The following GPR89A variants were observed in gnomAD, a reference collection of about 807,000 sequenced individuals.
GPR89A encodes G protein-coupled receptor 89A.
In GPR89A, 16 loss-of-function variants were observed where a neutral mutation model predicts 52.0. The ratio of observed to expected loss-of-function variants is 0.31; its 90% CI spans 0.21 to 0.47. The LOEUF is 0.47. Among genes scored for constraint, GPR89A ranks in the 20% least tolerant of loss-of-function variants. GPR89A has a pLI of 1.00. For synonymous variants in GPR89A, 55 were observed against 150.9 expected (o/e 0.36, Z 4.66); for missense variants, 135 against 449.4 (o/e 0.30, Z 6.33).
chr1:145,619,798 G>A (rs1180743797), intron 3 of GPR89A, among the ~76,000 whole-genome samples: 6 of 152,144 alleles, frequency 3.9e-5, no homozygotes, highest in African/African-American at 1.4e-4. Flanking sequence ...GGCGGATCAC[G>A]AGGTCAGGAG....
chr1:145,647,869 C>A (rs1553692907), intron 10 of GPR89A, among the ~76,000 whole-genome samples: 5 of 88,434 alleles, frequency 5.7e-5, no homozygotes, highest in African/African-American at 1.4e-4. Flanking sequence ...CTCTCTCTCT[C>A]TCTCTCTCTC....
chr1:145,659,332 A>G (rs1367509240), intron 10 of GPR89A, among the ~76,000 whole-genome samples: 2 of 151,666 alleles, frequency 1.3e-5, no homozygotes, highest in Admixed American at 6.6e-5. Context: ...TTACAGGCGC[A>G]TGCAACCACT....
chr1:145,608,469 G>C (rs1238176215), intron 1 of GPR89A: 2 of 629,770 alleles, frequency 3.2e-6, no homozygotes, highest in Non-Finnish European at 5.4e-6. Context: ...GGCGCCGCCA[G>C]CTAAGGCGGC....
At chr1:145,635,086 T>G (rs1329197248) in intron 7 of GPR89A, among the ~76,000 whole-genome samples, 1 of 152,188 alleles carries the variant, frequency 6.6e-6, no homozygotes, top group African/African-American at 2.4e-5. Context: ...ATAGTCAAGT[T>G]AAAGAAGCCT....
intron 10 of GPR89A, among the ~76,000 whole-genome samples, chr1:145,650,928 TC>T: frequency 6.6e-6 from 1 of 152,218 alleles, no homozygotes; most frequent in East Asian, 1.9e-4. Context: ...AAAAATTTTC[TC>T]CCATTCTGTT....
intron 10 of GPR89A, among the ~76,000 whole-genome samples, chr1:145,658,341 A>T (rs1244395137): frequency 6.8e-6 from 1 of 146,798 alleles, no homozygotes; most frequent in Non-Finnish European, 1.5e-5. Context: ...ACAGTGGCAG[A>T]TGCCTGTAAT....
intron 10 of GPR89A, among the ~76,000 whole-genome samples, chr1:145,650,216 ATAAG>A (rs1166710772): frequency 1.3e-5 from 2 of 150,154 alleles, no homozygotes; most frequent in African/African-American, 4.9e-5. Context: ...GTTCCCACTT[ATAAG>A]TGAGAACATG....
At chr1:145,660,331 C>T (rs1553695363) in intron 10 of GPR89A, among the ~76,000 whole-genome samples, 1 of 152,122 alleles carries the variant, frequency 6.6e-6, no homozygotes. Flanking sequence ...AAACGTTAGA[C>T]CTAAAACCAT....
intron 12 of GPR89A, among the ~76,000 whole-genome samples, chr1:145,669,099 C>T (rs1390244502): frequency 5.9e-5 from 9 of 152,206 alleles, no homozygotes; most frequent in Admixed American, 2.0e-4. Flanking sequence ...CAGCATCATC[C>T]TGATACCAAA....
Position 145,612,943 on chromosome 1 carries a change from A to T in GPR89A, c.43-3291A>T, listed in dbSNP as rs587732142. Among the ~76,000 whole-genome samples, 17 of 152,016 alleles carry T rather than the reference A, an allele frequency of 1.1e-4. 1 individual carries two copies. In the South Asian group the frequency reaches 3.5e-3, roughly 32 times the overall value. On this transcript the variant is annotated intron_variant, in intron 1 of 13. Coordinates refer to ENST00000313835, the MANE Select transcript of GPR89A (RefSeq NM_001097612.2). ...CTGCTACACTCTGGTTCCTGCCTCT[A>T]CCTCACTATTCAAAATTGTTTTCCT...
At chr1:145,628,955 G>A (rs1475829635) in intron 5 of GPR89A, among the ~76,000 whole-genome samples, 1 of 152,056 alleles carries the variant, frequency 6.6e-6, no homozygotes, top group Non-Finnish European at 1.5e-5. Flanking sequence ...GAAAGAACTA[G>A]CAAAGAAGGA....
At chr1:145,657,134 C>A (rs1437414869) in intron 10 of GPR89A, among the ~76,000 whole-genome samples, 1 of 150,402 alleles carries the variant, frequency 6.6e-6, no homozygotes, top group Non-Finnish European at 1.5e-5. Flanking sequence ...TGGCTCACAC[C>A]TGTATTCCCA....
intron 12 of GPR89A, among the ~76,000 whole-genome samples, chr1:145,666,423 A>C (rs1224063379): frequency 6.6e-6 from 1 of 152,160 alleles, no homozygotes; most frequent in Admixed American, 6.6e-5. Context: ...TCCTCAAAAA[A>C]ATGTTTCGTT....
At position 145,614,710 on chromosome 1, in the gene GPR89A, C is replaced by T. The variant is rs1337776775; in HGVS notation, c.43-1524C>T. Among the ~76,000 whole-genome samples, 5 of 152,156 alleles carry T rather than the reference C, an allele frequency of 3.3e-5. No homozygotes were observed. In the East Asian group the frequency reaches 9.7e-4, roughly 29 times the overall value. On this transcript the variant is annotated intron_variant, in intron 1 of 13. Coordinates refer to ENST00000313835, the MANE Select transcript of GPR89A (RefSeq NM_001097612.2). ...GGTAAGCACTTTGATGAGGGAAGTA[C>T]AATGTAAAACAGGATTATATAAAAA...
chr1:145,615,265 A>C (rs1553686747), intron 1 of GPR89A, among the ~76,000 whole-genome samples: 1 of 152,220 alleles, frequency 6.6e-6, no homozygotes, highest in Non-Finnish European at 1.5e-5. Flanking sequence ...ACAGATATAA[A>C]AAATATTAGG....
At chr1:145,627,699 T>A (rs1473372555) in intron 5 of GPR89A, among the ~76,000 whole-genome samples, 1 of 151,876 alleles carries the variant, frequency 6.6e-6, no homozygotes, top group Admixed American at 6.6e-5. Context: ...AAATAAATAA[T>A]TGCCAATTGT....
At position 145,670,282 on chromosome 1, in the gene GPR89A, A is replaced by T. The variant is rs1262851038; in HGVS notation, c.*242A>T. 1.1e-6 allele frequency: 1 copy of T among 886,858 alleles called. No homozygotes were observed. The highest frequency in any genetic ancestry group is 1.7e-5 in the African/African-American group (1 of 59,038). 54.9% of individuals were successfully genotyped at this position (886,858 alleles called of 1,614,324 possible). A position where few individuals can be genotyped will look rare whatever the true frequency, so the allele number is the denominator to read the frequency against. ...TCAGCAGAGAGCATCCCGTGTGGAT[A>T]TGAGGCTGGTGTAGAGGCGGAGAGG... On this transcript the variant is annotated 3_prime_UTR_variant, in exon 14 of 14. Transcript: ENST00000313835.
Position 145,623,272 on chromosome 1 carries a change from A to G in GPR89A, c.313+112A>G, listed in dbSNP as rs587732977. The G allele has an allele frequency of 0.012, 7,848 of 645,620 alleles. 451 individuals carry two copies. In the African/African-American group the frequency reaches 0.13, roughly 10 times the overall value. The allele number at this position is 645,620 out of a possible 1,614,324, so 40.0% of individuals were successfully genotyped here. A position where few individuals can be genotyped will look rare whatever the true frequency, so the allele number is the denominator to read the frequency against. Reference sequence around the variant, plus strand: ...AACTTTCAGTATCTACCGCTATTTGAGGATACCTCACACACAACATCTTAA... The same window carrying G: ...AACTTTCAGTATCTACCGCTATTTGGGGATACCTCACACACAACATCTTAA... On this transcript the variant is annotated intron_variant, in intron 4 of 13. Coordinates refer to ENST00000313835, the MANE Select transcript of GPR89A (RefSeq NM_001097612.2).
intron 7 of GPR89A, among the ~76,000 whole-genome samples, chr1:145,637,626 A>G (rs1255062224): frequency 6.7e-6 from 1 of 149,988 alleles, no homozygotes; most frequent in East Asian, 2.0e-4. Flanking sequence ...GATAAAAAGC[A>G]GCCAATAGAT....
Sources: gnomAD v4.1 joint callset for allele counts (sites outside exome capture counted in the v4.1 genomes callset) on GRCh38, gnomAD v4.1.1 for gene constraint, MANE v1.5 for transcripts, NCBI Gene and HGNC (gene_info 2026-07-23, HGNC 2026-07-21) for gene names.